CSPP1: variants seen among roughly 807,000 people sequenced by gnomAD.
The protein encoded by CSPP1 is centrosome and spindle pole associated protein 1.
In CSPP1, 126 loss-of-function variants were observed where a neutral mutation model predicts 164.4. The ratio of observed to expected loss-of-function variants is 0.77; its 90% CI spans 0.66 to 0.89. The LOEUF (loss-of-function observed/expected upper bound fraction) is 0.89, where lower values mean the gene tolerates loss of function less well. Ranked by LOEUF, CSPP1 falls within the 40% of genes least tolerant of loss-of-function variation. The pLI is 0.00. For synonymous variants in CSPP1, 472 were observed against 476.7 expected (o/e 0.99, Z 0.13); for missense variants, 1,395 against 1,449.8 (o/e 0.96, Z 0.61).
chr8:67,170,774 G>A (rs1348381268), intron 24 of CSPP1, among the ~76,000 whole-genome samples: 3 of 151,994 alleles, frequency 2.0e-5, no homozygotes, highest in Non-Finnish European at 4.4e-5. Flanking sequence ...TAATAGAGCT[G>A]TTCGAATAAT....
chr8:67,147,475 G>A (rs1217852079), intron 17 of CSPP1, among the ~76,000 whole-genome samples: 1 of 152,032 alleles, frequency 6.6e-6, no homozygotes, highest in Non-Finnish European at 1.5e-5. Context: ...TCAAAAAGTA[G>A]TCCATGCTTG....
chr8:67,171,364 G>T (rs950102653), intron 24 of CSPP1, among the ~76,000 whole-genome samples: 1 of 151,328 alleles, frequency 6.6e-6, no homozygotes, highest in African/African-American at 2.4e-5. Flanking sequence ...TCACGCCACT[G>T]CACTCCAGCC....
chr8:67,180,023 T>TAAA, intron 28 of CSPP1, 97 bp downstream of exon 28: 5 of 472,964 alleles, frequency 1.1e-5, no homozygotes, highest in Non-Finnish European at 1.8e-5. Flanking sequence ...TACAAGGTAG[T>TAAA]AAAAAAAAAA....
intron 18 of CSPP1, among the ~76,000 whole-genome samples, chr8:67,152,103 A>T: frequency 6.6e-6 from 1 of 151,564 alleles, no homozygotes; most frequent in South Asian, 2.1e-4. Flanking sequence ...AAAAAAAAAA[A>T]AAAGAATTAA....
At chr8:67,177,070 C>CAAAAA (rs36084458) in intron 26 of CSPP1, among the ~76,000 whole-genome samples, 10 of 51,798 alleles carry the variant, frequency 1.9e-4, no homozygotes, top group East Asian at 1.2e-3. Context: ...GACTTAGTCT[C>CAAAAA]AAAAAAAAAA....
intron 30 of CSPP1, 48 bp downstream of exon 30, chr8:67,193,650 T>G: frequency 6.5e-7 from 1 of 1,527,498 alleles, no homozygotes; most frequent in Admixed American, 1.7e-5. Context: ...GTATGAACTT[T>G]TAAACTTTCT....
At chr8:67,162,829 G>A (rs1828629480) in intron 22 of CSPP1, among the ~76,000 whole-genome samples, 2 of 152,158 alleles carry the variant, frequency 1.3e-5, no homozygotes, top group South Asian at 4.1e-4. Flanking sequence ...TGGTGGGTAG[G>A]AGTCTATGAT....
Position 67,113,832 on chromosome 8 carries a change from A to C in CSPP1, c.1215A>C (p.Ala405=). ...RREKDLELRV[A]ASGAQDPEKS... is the part of the protein sequence containing the mutation. ...AAAAAGATTTAGAACTCAGGGTTGC[A>C]GCGTCTGGAGCACAAGACCCTGAGA... Residue 405 remains alanine, a synonymous_variant, in exon 11 of 31, where the codon GCA becomes GCC. Coordinates refer to ENST00000678616, the MANE Select transcript of CSPP1 (RefSeq NM_001382391.1). 1 of 1,591,828 alleles carries C rather than the reference A, an allele frequency of 6.3e-7. No individual in the cohort carries two copies. Among genetic ancestry groups the C allele is most frequent in the Non-Finnish European group, 8.6e-7 (1 of 1,165,128 alleles).
intron 7 of CSPP1, among the ~76,000 whole-genome samples, chr8:67,098,987 G>C (rs564293939): frequency 1.3e-5 from 2 of 151,060 alleles, no homozygotes; most frequent in East Asian, 3.9e-4. Context: ...AGATTAACAT[G>C]TGTTCATTTT....
intron 4 of CSPP1, chr8:67,086,745 C>G: frequency 4.3e-6 from 3 of 705,506 alleles, no homozygotes; most frequent in Non-Finnish European, 4.5e-6. Context: ...ACAAATGTCT[C>G]TTATTCTGAT....
At chr8:67,169,148 C>T (rs1238331724) in intron 24 of CSPP1, among the ~76,000 whole-genome samples, 1 of 152,124 alleles carries the variant, frequency 6.6e-6, no homozygotes, top group African/African-American at 2.4e-5. Flanking sequence ...ATGACCATAG[C>T]TTAGAGCTCC....
chr8:67,168,402 C>A (rs970147098), intron 24 of CSPP1, among the ~76,000 whole-genome samples: 6 of 152,078 alleles, frequency 3.9e-5, no homozygotes, highest in Non-Finnish European at 8.8e-5. Flanking sequence ...TTAATAAATT[C>A]TTTTGGCAAG....
intron 1 of CSPP1, among the ~76,000 whole-genome samples, chr8:67,069,990 T>G (rs1806383522): frequency 6.6e-6 from 1 of 152,150 alleles, no homozygotes; most frequent in Non-Finnish European, 1.5e-5. Flanking sequence ...TTAAATTCTG[T>G]GCAAAATTCT....
chr8:67,118,882 A>T, intron 15 of CSPP1, 61 bp downstream of exon 15: 1 of 1,111,144 alleles, frequency 9.0e-7, no homozygotes, highest in Non-Finnish European at 1.4e-6. Flanking sequence ...GATACACATA[A>T]CCTAAAAGCC....
chr8:67,118,140 A>C, intron 13 of CSPP1, 108 bp from the exon 14 acceptor site: 1 of 1,144,946 alleles, frequency 8.7e-7, no homozygotes, highest in East Asian at 2.4e-5. Flanking sequence ...CATTTTCTAA[A>C]GTAGTGATAG....
chr8:67,083,686 C>T (rs578170969), intron 3 of CSPP1: 7 of 151,370 alleles, frequency 4.6e-5, no homozygotes, highest in Non-Finnish European at 7.4e-5. Context: ...CTTAAACTTA[C>T]ACTTTTTGTA....
chr8:67,158,871 G>T, intron 20 of CSPP1, 120 bp from the exon 21 acceptor site: 1 of 971,254 alleles, frequency 1.0e-6, no homozygotes. Flanking sequence ...TTATGTTAAA[G>T]AACACCATAT....
In CSPP1 at chr8:67,137,600, A is replaced by T; in HGVS notation, c.1972A>T (p.Ile658Leu). Residue 658 changes from isoleucine to leucine, a missense_variant, in exon 17 of 31, where the codon ATA becomes TTA. Transcript: ENST00000678616. The stretch of plus-strand genomic sequence containing the variant: ...TCTCAGGGATGCAAAAGGAAATCTG[A>T]TAAGTACGTTATTTCTACTGACTTG... ...APLRDAKGNL[I>L]TDLNRMHRQN... 6.5e-7 allele frequency: 1 copy of T among 1,537,540 alleles called. No individual in the cohort carries two copies. The highest frequency in any genetic ancestry group is 8.7e-7 in the Non-Finnish European group (1 of 1,146,286).
At chr8:67,112,093 A>G (rs911452370) in intron 10 of CSPP1, 28 bp downstream of exon 10, 2 of 1,518,426 alleles carry the variant, frequency 1.3e-6, no homozygotes, top group South Asian at 1.2e-5. Context: ...TTTAAAAGAG[A>G]TATTTTGAGT....
Sources: allele counts gnomAD v4.1 joint callset (sites outside exome capture counted in the v4.1 genomes callset), GRCh38; gene constraint gnomAD v4.1.1; transcripts MANE v1.5; gene names NCBI Gene and HGNC (gene_info 2026-07-23, HGNC 2026-07-21).